Variants in CSMD3 observed in about 807,000 individuals in gnomAD.
CSMD3 encodes CUB and Sushi multiple domains 3.
A neutral mutation model predicts 435.2 loss-of-function variants in CSMD3; 177 were observed. The observed-to-expected ratio is 0.41, with a 90% CI of 0.36 to 0.46. The LOEUF (loss-of-function observed/expected upper bound fraction) is 0.46, where lower values mean the gene tolerates loss of function less well. CSMD3 is among the 20% of genes least tolerant of loss of function. The pLI is 0.34. For synonymous variants in CSMD3, 1,656 were observed against 1,520.5 expected (o/e 1.09, Z -2.07); for missense variants, 4,265 against 4,504.6 (o/e 0.95, Z 1.52).
At chr8:113,092,790 G>A (rs552094598) in intron 5 of CSMD3, among the ~76,000 whole-genome samples, 35 of 152,006 alleles carry the variant, frequency 2.3e-4, no homozygotes, top group African/African-American at 8.2e-4. Context: ...GTGGTGGTGC[G>A]GTTCCCATAA....
chr8:112,543,857 A>G (rs896678677), intron 27 of CSMD3, among the ~76,000 whole-genome samples: 7 of 152,176 alleles, frequency 4.6e-5, no homozygotes, highest in South Asian at 4.1e-4. Context: ...TTAAGAAAAT[A>G]TGGGAAAGAC....
At position 112,587,249 on chromosome 8, in the gene CSMD3, A is replaced by G. The variant is rs763590955; in HGVS notation, c.3716-14T>C. 5.0e-6 allele frequency: 8 copies of G among 1,588,690 alleles called. No individual in the cohort carries two copies. The highest frequency in any genetic ancestry group is 6.9e-6 in the Non-Finnish European group (8 of 1,158,484). On this transcript the variant is annotated splice_polypyrimidine_tract_variant and intron_variant, in intron 22 of 70. Transcript: ENST00000297405. ...CACCACATTCAGCTGCAGGTAAAAC[A>G]GAATATTGAAGTACAGTTTAATAGA...
At chr8:112,677,877 C>A (rs2131757072) in intron 16 of CSMD3, among the ~76,000 whole-genome samples, 1 of 152,140 alleles carries the variant, frequency 6.6e-6, no homozygotes, top group African/African-American at 2.4e-5. Context: ...AGGTTGCTGT[C>A]CAATATATGA....
intron 9 of CSMD3, among the ~76,000 whole-genome samples, chr8:112,924,557 C>A (rs2082852211): frequency 6.6e-6 from 1 of 151,842 alleles, no homozygotes; most frequent in South Asian, 2.1e-4. Flanking sequence ...GAGCATGTTT[C>A]TTTTGATTAT....
intron 3 of CSMD3, among the ~76,000 whole-genome samples, chr8:113,208,292 G>C (rs1180260690): frequency 6.6e-6 from 1 of 152,072 alleles, no homozygotes; most frequent in Non-Finnish European, 1.5e-5. Flanking sequence ...CAGAGAATCA[G>C]ACTTTCTGGA....
At chr8:113,010,459 T>C (rs1050295472) in intron 6 of CSMD3, among the ~76,000 whole-genome samples, 1 of 151,834 alleles carries the variant, frequency 6.6e-6, no homozygotes, top group Admixed American at 6.6e-5. Flanking sequence ...CAAAATGATC[T>C]ATCATTTTAT....
At chr8:112,627,551 T>A (rs1834583977) in intron 22 of CSMD3, among the ~76,000 whole-genome samples, 1 of 152,170 alleles carries the variant, frequency 6.6e-6, no homozygotes, top group Non-Finnish European at 1.5e-5. Context: ...CCCAAACCTA[T>A]CTTTGAACTT....
chr8:113,370,226 A>G (rs1165403401), intron 1 of CSMD3, among the ~76,000 whole-genome samples: 2 of 151,488 alleles, frequency 1.3e-5, no homozygotes, highest in Admixed American at 6.6e-5. Context: ...AAAAAAACAC[A>G]TAAAAGGATT....
At chr8:112,560,529 G>T (rs1255711820) in intron 24 of CSMD3, among the ~76,000 whole-genome samples, 1 of 151,590 alleles carries the variant, frequency 6.6e-6, no homozygotes, top group Admixed American at 6.6e-5. Context: ...AAATTTGAGA[G>T]ACCATTTTTA....
At chr8:112,918,740 T>A (rs2082644758) in intron 10 of CSMD3, among the ~76,000 whole-genome samples, 2 of 151,980 alleles carry the variant, frequency 1.3e-5, no homozygotes. Context: ...TATTAATTTA[T>A]AAACTGCTCT....
intron 1 of CSMD3, among the ~76,000 whole-genome samples, chr8:113,405,087 A>G (rs780842291): frequency 2.0e-5 from 3 of 151,560 alleles, no homozygotes; most frequent in Non-Finnish European, 4.4e-5. Context: ...TCTTTCATTA[A>G]CAATTTCATA....
chr8:112,472,742 A>G (rs1194327848), intron 31 of CSMD3, 35 bp from the exon 32 acceptor site: 1 of 1,129,770 alleles, frequency 8.9e-7, no homozygotes, highest in Non-Finnish European at 1.4e-6. Flanking sequence ...ATTTTTAGAA[A>G]AAAGTTTTAA....
chr8:112,641,813 G>T (rs1237009494), intron 20 of CSMD3, among the ~76,000 whole-genome samples: 2 of 151,988 alleles, frequency 1.3e-5, no homozygotes, highest in Non-Finnish European at 2.9e-5. Flanking sequence ...GACAGGGTGA[G>T]AACCCATCTC....
At chr8:112,321,734 T>G (rs1398168594) in intron 45 of CSMD3, among the ~76,000 whole-genome samples, 1 of 152,170 alleles carries the variant, frequency 6.6e-6, no homozygotes. Flanking sequence ...TTCCTTCCAG[T>G]AGTTTAACCT....
intron 30 of CSMD3, among the ~76,000 whole-genome samples, chr8:112,497,354 G>A (rs1287389529): frequency 6.6e-6 from 1 of 151,724 alleles, no homozygotes; most frequent in Non-Finnish European, 1.5e-5. Context: ...GTAACTAAAA[G>A]CGTATAATTG....
chr8:112,712,598 T>A (rs1006676718), intron 13 of CSMD3, among the ~76,000 whole-genome samples: 4 of 152,080 alleles, frequency 2.6e-5, no homozygotes, highest in Non-Finnish European at 4.4e-5. Context: ...TTGTCAAATG[T>A]AATTATTCTG....
intron 7 of CSMD3, among the ~76,000 whole-genome samples, chr8:112,974,887 A>G (rs2084789267): frequency 6.6e-6 from 1 of 151,868 alleles, no homozygotes; most frequent in Non-Finnish European, 1.5e-5. Flanking sequence ...AACCATGCCT[A>G]ATCACACTGC....
chr8:113,037,154 T>C (rs559247095), intron 5 of CSMD3, among the ~76,000 whole-genome samples: 7 of 152,136 alleles, frequency 4.6e-5, no homozygotes, highest in Non-Finnish European at 8.8e-5. Flanking sequence ...TGATTTGTAT[T>C]CCAGTTATTC....
At chr8:113,190,083 A>C (rs183702323) in intron 3 of CSMD3, among the ~76,000 whole-genome samples, 1 of 151,648 alleles carries the variant, frequency 6.6e-6, no homozygotes, top group Admixed American at 6.6e-5. Flanking sequence ...AAGTAATTGT[A>C]CTTTCTGACA....
Sources: allele counts gnomAD v4.1 joint callset (sites outside exome capture counted in the v4.1 genomes callset), GRCh38; gene constraint gnomAD v4.1.1; transcripts MANE v1.5; gene names NCBI Gene and HGNC (gene_info 2026-07-23, HGNC 2026-07-21).